Variants in SEMA6D observed in about 807,000 individuals in gnomAD.
SEMA6D encodes the protein semaphorin-6D.
Under a neutral mutation model 106.6 loss-of-function variants are expected in SEMA6D, and 35 were observed. The ratio of observed to expected loss-of-function variants is 0.33; its 90% CI spans 0.25 to 0.44. SEMA6D has a LOEUF of 0.44. Ranked by LOEUF, SEMA6D falls within the 20% of genes least tolerant of loss-of-function variation. The probability of loss-of-function intolerance (pLI) is 1.00; values close to 1 mark genes in which losing one functional copy is unlikely to be tolerated. For missense variants in SEMA6D, 1,185 were observed against 1,345.9 expected (o/e 0.88, Z 1.87); for synonymous variants, 499 against 487.7 (o/e 1.02, Z -0.31).
At chr15:47,471,785 C>G (rs2042846621) in intron 3 of SEMA6D, among the ~76,000 whole-genome samples, 1 of 152,020 alleles carries the variant, frequency 6.6e-6, no homozygotes, top group South Asian at 2.1e-4. Context: ...CGAGGCATGT[C>G]TATGAAAGAA....
chr15:47,368,524 G>T (rs1021199821), intron 1 of SEMA6D, among the ~76,000 whole-genome samples: 1 of 151,948 alleles, frequency 6.6e-6, no homozygotes. Context: ...AGGCTGGAGT[G>T]CAGTGGCGGG....
rs1235265591 is a variant in SEMA6D at position 47,493,887 on chromosome 15, G to A, written c.-87+23342G>A. 3.9e-5 allele frequency among the ~76,000 whole-genome samples: 6 copies of A among 152,164 alleles called. 1 individual carries two copies. Among genetic ancestry groups the A allele is most frequent in the Admixed American group, 3.9e-4 (6 of 15,268 alleles). ...ATTGGAGTTCTTTGTAAAATTCATG[G>A]CCAAACTGTTGGGAATGGAAGGTAA... On this transcript the variant is annotated intron_variant, in intron 3 of 19. Coordinates refer to the SEMA6D transcript ENST00000558014.
chr15:47,275,784 C>G (rs1394054177), intron 1 of SEMA6D, among the ~76,000 whole-genome samples: 1 of 152,124 alleles, frequency 6.6e-6, no homozygotes, highest in Non-Finnish European at 1.5e-5. Flanking sequence ...GTATCTCTCA[C>G]TTTACATCGA....
At chr15:47,233,834 C>T (rs901182579) in intron 1 of SEMA6D, among the ~76,000 whole-genome samples, 1 of 151,866 alleles carries the variant, frequency 6.6e-6, no homozygotes. Context: ...TGGGGATTGT[C>T]TATATATATA....
At chr15:47,206,809 C>T (rs936875116) in intron 1 of SEMA6D, among the ~76,000 whole-genome samples, 4 of 152,100 alleles carry the variant, frequency 2.6e-5, no homozygotes, top group Non-Finnish European at 5.9e-5. Context: ...CTGCAGCCCT[C>T]TCCCCACCAT....
At chr15:47,761,610 A>C in intron 6 of SEMA6D, 51 bp from the exon 7 acceptor site, 2 of 1,422,694 alleles carry the variant, frequency 1.4e-6, no homozygotes, top group Non-Finnish European at 1.9e-6. Context: ...ATTGCCTTCA[A>C]ACGGGCACGT....
intron 3 of SEMA6D, among the ~76,000 whole-genome samples, chr15:47,486,582 C>G (rs531536132): frequency 6.6e-6 from 1 of 152,168 alleles, no homozygotes; most frequent in East Asian, 1.9e-4. Flanking sequence ...AGAAAACAGA[C>G]CTACCAAAGA....
At chr15:47,744,732 G>T (rs7495366) in intron 1 of SEMA6D, among the ~76,000 whole-genome samples, 6 of 152,060 alleles carry the variant, frequency 3.9e-5, no homozygotes, top group African/African-American at 1.4e-4. Flanking sequence ...CAGCGATCGC[G>T]CACTCTCCTG....
chr15:47,421,349 A>G (rs1037036128), intron 2 of SEMA6D, among the ~76,000 whole-genome samples: 4 of 152,126 alleles, frequency 2.6e-5, no homozygotes, highest in African/African-American at 9.7e-5. Context: ...TACAATGCTG[A>G]AGACATCAGT....
At chr15:47,704,404 A>G (rs2078873669) in intron 4 of SEMA6D, among the ~76,000 whole-genome samples, 2 of 152,172 alleles carry the variant, frequency 1.3e-5, no homozygotes, top group East Asian at 1.9e-4. Context: ...TTTGCTGCCA[A>G]TCTCAGAATA....
chr15:47,573,027 A>G (rs888471594), intron 3 of SEMA6D, among the ~76,000 whole-genome samples: 19 of 152,278 alleles, frequency 1.2e-4, no homozygotes, highest in African/African-American at 4.3e-4. Flanking sequence ...ATTAATCACT[A>G]TAACAATAAA....
At chr15:47,313,141 T>A (rs924674566) in intron 1 of SEMA6D, among the ~76,000 whole-genome samples, 1 of 152,120 alleles carries the variant, frequency 6.6e-6, no homozygotes, top group Non-Finnish European at 1.5e-5. Flanking sequence ...TTGCCCAAAC[T>A]TCATAGTTTA....
chr15:47,480,537 T>C (rs1001085264), intron 3 of SEMA6D, among the ~76,000 whole-genome samples: 2 of 152,140 alleles, frequency 1.3e-5, no homozygotes, highest in African/African-American at 4.8e-5. Context: ...CCCACCTTTA[T>C]TCCTTGGCTT....
chr15:47,431,751 A>G (rs944570428), intron 2 of SEMA6D, among the ~76,000 whole-genome samples: 5 of 152,148 alleles, frequency 3.3e-5, no homozygotes, highest in East Asian at 1.9e-4. Flanking sequence ...CTTGATTCAC[A>G]TGCACGAAAG....
intron 1 of SEMA6D, among the ~76,000 whole-genome samples, chr15:47,374,907 G>C (rs1210233709): frequency 6.6e-6 from 1 of 152,188 alleles, no homozygotes; most frequent in African/African-American, 2.4e-5. Context: ...TGAAAGGCTA[G>C]TTTCTGCAGC....
At chr15:47,233,692 G>T (rs562618893) in intron 1 of SEMA6D, among the ~76,000 whole-genome samples, 1 of 151,786 alleles carries the variant, frequency 6.6e-6, no homozygotes, top group East Asian at 1.9e-4. Flanking sequence ...AAATGGGATC[G>T]TTTTCTTAAT....
At chr15:47,518,997 G>A (rs1169195334) in intron 3 of SEMA6D, among the ~76,000 whole-genome samples, 1 of 152,020 alleles carries the variant, frequency 6.6e-6, no homozygotes, top group Non-Finnish European at 1.5e-5. Context: ...GGCCGAGGCA[G>A]GTGGATCACT....
chr15:47,764,221 A>G lies in SEMA6D; in HGVS notation c.1013A>G (p.Lys338Arg). 1 of 1,613,806 alleles carries G rather than the reference A, an allele frequency of 6.2e-7. No homozygotes were observed. The highest frequency in any genetic ancestry group is 8.5e-7 in the Non-Finnish European group (1 of 1,179,804). The change falls in exon 11 of 19, where the codon AAA (lysine) becomes AGA (arginine). Residue 338 changes from lysine (K) to arginine (R), a missense_variant. Physicochemically the swap from Lys to Arg is conservative, Grantham distance 26. Around this residue, in one of 3 missense-constraint regions of SEMA6D, gnomAD observed 291 missense variants for 423.8 expected, o/e 0.69. Coordinates refer to ENST00000536845, the MANE Select transcript of SEMA6D (RefSeq NM_001358351.3). Reference sequence around the variant, plus strand: ...GCATTTAGCATGGATGACATTGAAAAAGTATTCAAAGGACGGTTTAAGGAA... The same window carrying G: ...GCATTTAGCATGGATGACATTGAAAGAGTATTCAAAGGACGGTTTAAGGAA... Reference protein sequence around the residue: ...VCAFSMDDIEKVFKGRFKEQK... With the variant: ...VCAFSMDDIERVFKGRFKEQK...
intron 1 of SEMA6D, among the ~76,000 whole-genome samples, chr15:47,380,285 C>T (rs1490779782): frequency 6.6e-6 from 1 of 152,204 alleles, no homozygotes; most frequent in African/African-American, 2.4e-5. Context: ...TCGAGTCTCT[C>T]TTCTTTCTAA....
Sources: gnomAD v4.1 joint callset for allele counts (sites outside exome capture counted in the v4.1 genomes callset) on GRCh38, gnomAD v4.1.1 for gene constraint, gnomAD v4.1.1 regional missense constraint, MANE v1.5 for transcripts, NCBI Gene and HGNC (gene_info 2026-07-23, HGNC 2026-07-21) for gene names.